Variants in ACAD8 observed in about 807,000 individuals in gnomAD.
The protein encoded by ACAD8 is isobutyryl-CoA dehydrogenase, mitochondrial.
ACAD8 carries 47 observed loss-of-function variants against 53.1 expected under a neutral mutation model. The observed-to-expected ratio is 0.89, with a 90% CI of 0.70 to 1.13. The LOEUF (loss-of-function observed/expected upper bound fraction) is 1.13. Ranked by LOEUF, ACAD8 falls within the 50% of genes most tolerant of loss-of-function variation. The pLI is 0.00. For synonymous variants in ACAD8, 198 were observed against 201.3 expected, an observed-to-expected ratio of 0.98 and a Z score of 0.14; for missense variants, 494 against 535.0, an observed-to-expected ratio of 0.92 and a Z score of 0.76.
chr11:134,253,620 G>GGCGTTTCGGGGC lies in ACAD8; in HGVS notation c.24_35dup (p.Phe9_Arg12dup). On this transcript the variant is annotated inframe_insertion, in exon 1 of 11. Coordinates refer to ENST00000281182, the MANE Select transcript of ACAD8 (RefSeq NM_014384.3). ...GCGGCTATGCTGTGGAGCGGCTGCC[G>GGCGTTTCGGGGC]GCGTTTCGGGGCGCGCCTCGGCTGC... 1 of 1,579,502 alleles carries GGCGTTTCGGGGC rather than the reference G, an allele frequency of 6.3e-7. No individual in the cohort carries two copies. Among genetic ancestry groups the GGCGTTTCGGGGC allele is most frequent in the Non-Finnish European group, 8.6e-7 (1 of 1,166,560 alleles).
intron 1 of ACAD8, among the ~76,000 whole-genome samples, chr11:134,255,336 A>G (rs1220346440): frequency 2.0e-5 from 3 of 152,156 alleles, no homozygotes; most frequent in Non-Finnish European, 4.4e-5. Context: ...GGGTTTCACC[A>G]TGTTGGACAA....
intron 3 of ACAD8, 47 bp from the exon 4 acceptor site, chr11:134,258,462 TCTTTTC>T: frequency 7.5e-7 from 1 of 1,329,680 alleles, no homozygotes; most frequent in Non-Finnish European, 1.1e-6. Flanking sequence ...CATTTTTTTT[TCTTTTC>T]CATCTTTATT....
Position 134,264,911 on chromosome 11 carries a change from G to A in ACAD8, c.1199G>A (p.Ser400Asn). Reference sequence around the variant, plus strand: ...TCCTCCTTCCTCCCTCTTACAGGTAGCAATGAAGTGATGAGGATACTGATC... The same window carrying A: ...TCCTCCTTCCTCCCTCTTACAGGTAACAATGAAGTGATGAGGATACTGATC... ...DSRVHQILEG[S>N]NEVMRILISR... The change falls in exon 11 of 11, where the codon AGC becomes AAC. Residue 400 changes from serine to asparagine, a missense_variant. Ser to Asn is a conservative substitution (Grantham distance 46, BLOSUM62 1). Transcript: ENST00000281182. 6.2e-7 allele frequency: 1 copy of A among 1,614,082 alleles called. No homozygotes were observed.
chr11:134,256,665 T>G lies in ACAD8; in HGVS notation c.210+17T>G. The stretch of plus-strand genomic sequence containing the variant: ...GACCAGAAGGTAGGCGTTTTTCTTG[T>G]GCTTAGACGTTCTAACAACAGATGT... On this transcript the variant is annotated intron_variant, in intron 2 of 10. Transcript: ENST00000281182. 1 of 1,605,564 alleles carries G rather than the reference T, an allele frequency of 6.2e-7. No homozygotes were observed. The highest frequency in any genetic ancestry group is 2.2e-5 in the East Asian group (1 of 44,842).
At chr11:134,263,052 C>A in intron 10 of ACAD8, 1 of 1,177,428 alleles carries the variant, frequency 8.5e-7, no homozygotes, top group Non-Finnish European at 1.1e-6. Context: ...CTAAAAGATA[C>A]CTGTCTCAAT....
rs79594709 is a variant in ACAD8 at position 134,263,237 on chromosome 11, C to G, written c.1195+615C>G. 9,027 of 1,003,586 alleles carry G rather than the reference C, an allele frequency of 9.0e-3. 45 individuals are homozygous for G. The highest frequency in any genetic ancestry group is 1.0e-2 in the Non-Finnish European group (8,388 of 840,342). The allele number at this position is 1,003,586 out of a possible 1,614,324, so 62.2% of individuals were successfully genotyped here. On this transcript the variant is annotated intron_variant, in intron 10 of 10. Transcript: ENST00000281182. ...TGAAATGACACGACTCTTGGAAAAG[C>G]AGGAGGGGCAGAGGCTTCTTTGAGT...
rs745741186 is a variant in ACAD8 at position 134,253,710 on chromosome 11, G to A, written c.109+1G>A. 3 of 1,593,680 alleles carry A rather than the reference G, an allele frequency of 1.9e-6. No homozygotes were observed. Among genetic ancestry groups the A allele is most frequent in the Middle Eastern group, 1.7e-4 (1 of 6,040 alleles). On this transcript the variant is annotated splice_donor_variant, in intron 1 of 10. Coordinates refer to ENST00000281182, the MANE Select transcript of ACAD8 (RefSeq NM_014384.3). LOFTEE classifies it high-confidence loss of function. Reference sequence around the variant, plus strand: ...CGGAGCTTGACCTCCTGCATCGACCGTAAGGATCTCCTGGCGGGCAGTAGG... The same window carrying A: ...CGGAGCTTGACCTCCTGCATCGACCATAAGGATCTCCTGGCGGGCAGTAGG...
At chr11:134,254,240 C>G (rs937312464) in intron 1 of ACAD8, among the ~76,000 whole-genome samples, 3 of 152,182 alleles carry the variant, frequency 2.0e-5, no homozygotes, top group African/African-American at 7.2e-5. Context: ...CACAAGAACT[C>G]CAGGTCATAC....
Position 134,261,892 on chromosome 11 carries a change from T to A in ACAD8, c.1092+2T>A, listed in dbSNP as rs934865815. ...TTTGCTACAGATGAATGCTTTGCCG[T>A]AAGTGATTCCTCTGGCTCTCCTGGG... On this transcript the variant is annotated splice_donor_variant, in intron 9 of 10. Coordinates refer to ENST00000281182, the MANE Select transcript of ACAD8 (RefSeq NM_014384.3). LOFTEE classifies it high-confidence loss of function. This position sits in a 1 kb window ranked among gnomAD's most constrained non-coding sequence, Gnocchi z 4.2. 6.2e-7 allele frequency: 1 copy of A among 1,613,736 alleles called. No individual in the cohort carries two copies. The highest frequency in any genetic ancestry group is 8.5e-7 in the Non-Finnish European group (1 of 1,180,036).
At chr11:134,263,104 G>C in intron 10 of ACAD8, 1 of 1,140,206 alleles carries the variant, frequency 8.8e-7, no homozygotes, top group South Asian at 1.9e-5. Context: ...ATCACTATAT[G>C]GGTATCTTCT....
At position 134,253,612 on chromosome 11, in the gene ACAD8, C is replaced by A. The variant is rs777227435; in HGVS notation, c.12C>A (p.Ser4Arg). The change falls in exon 1 of 11, where the codon AGC becomes AGA. Residue 4 changes from serine (S) to arginine (R), a missense_variant. Physicochemically the swap from Ser to Arg is moderately radical, Grantham distance 110 (BLOSUM62 -1). Transcript: ENST00000281182. ...GAGCTGCGGCGGCTATGCTGTGGAG[C>A]GGCTGCCGGCGTTTCGGGGCGCGCC... The part of the protein sequence containing the change: MLW[S>R]GCRRFGARLG... 4.4e-6 allele frequency: 7 copies of A among 1,579,352 alleles called. No individual in the cohort carries two copies. The South Asian group carries it at 5.7e-5, about 13-fold the overall frequency.
In ACAD8 at chr11:134,265,088, C is replaced by CTGCA. The variant is rs1426828839; in HGVS notation, c.*129_*132dup. 9.9e-7 allele frequency: 1 copy of CTGCA among 1,008,750 alleles called. No homozygotes were observed. The highest frequency in any genetic ancestry group is 1.6e-5 in the African/African-American group (1 of 63,056). The allele number at this position is 1,008,750 out of a possible 1,614,324, so 62.5% of individuals were successfully genotyped here. A position where few individuals can be genotyped will look rare whatever the true frequency, so the allele number is the denominator to read the frequency against. On this transcript the variant is annotated 3_prime_UTR_variant, in exon 11 of 11. Coordinates refer to ENST00000281182, the MANE Select transcript of ACAD8 (RefSeq NM_014384.3). ...GGGCTGAGCTCCTCTAGGGCAGGAC[C>CTGCA]TGCACCCTGTGTGTTGGCACCAGCA...
chr11:134,263,811 G>A (rs909927685), intron 10 of ACAD8: 15 of 985,318 alleles, frequency 1.5e-5, no homozygotes, highest in Non-Finnish European at 1.8e-5. Flanking sequence ...ACTCATCACT[G>A]TATCACTTTG....
chr11:134,253,776 G>A, intron 1 of ACAD8, 67 bp downstream of exon 1: 3 of 1,447,838 alleles, frequency 2.1e-6, no homozygotes, highest in Non-Finnish European at 2.8e-6. Context: ...TCCGCGAGGG[G>A]CTGCAGTCTC....
chr11:134,258,151 C>T (rs1200131323), intron 3 of ACAD8: 11 of 350,494 alleles, frequency 3.1e-5, no homozygotes, highest in South Asian at 1.8e-4. Flanking sequence ...CACCCGGCCC[C>T]TCTCACCCTT....
In ACAD8 at chr11:134,260,917, C is replaced by A; in HGVS notation, c.706-127C>A. On this transcript the variant is annotated intron_variant, in intron 6 of 10. Coordinates refer to ENST00000281182, the MANE Select transcript of ACAD8 (RefSeq NM_014384.3). ...TAAACCTGAACTTTTTCTTTTTCCT[C>A]ATTTTAAGTTCTTGTGGGTCTAAGT... The A allele has an allele frequency of 5.4e-6, 6 of 1,110,942 alleles. No homozygotes were observed. The South Asian group carries it at 8.1e-5, about 15-fold the overall frequency. The allele number at this position is 1,110,942 out of a possible 1,614,324, so 68.8% of individuals were successfully genotyped here.
At chr11:134,262,772 C>A in intron 10 of ACAD8, 150 bp downstream of exon 10, 1 of 1,501,104 alleles carries the variant, frequency 6.7e-7, no homozygotes. Flanking sequence ...TTCCGCAGAG[C>A]TGTTCTGGCA....
chr11:134,263,738 A>G lies in ACAD8; in HGVS notation c.1195+1116A>G, dbSNP rs1183562602. The stretch of plus-strand genomic sequence containing the variant: ...ATTCTAACTCTCTCTCCACCCTGCA[A>G]TAATAAGCAGGAAAACATTTATTGT... On this transcript the variant is annotated intron_variant, in intron 10 of 10. Coordinates refer to ENST00000281182, the MANE Select transcript of ACAD8 (RefSeq NM_014384.3). The G allele has an allele frequency of 1.4e-5, 14 of 985,290 alleles. No individual in the cohort carries two copies. The East Asian group carries it at 5.7e-4, about 40-fold the overall frequency. 61.0% of individuals were successfully genotyped at this position (985,290 alleles called of 1,614,324 possible).
chr11:134,262,517 C>A lies in ACAD8; in HGVS notation c.1093-3C>A. 1 of 1,609,176 alleles carries A rather than the reference C, an allele frequency of 6.2e-7. No individual in the cohort carries two copies. Among genetic ancestry groups the A allele is most frequent in the Middle Eastern group, 1.7e-4 (1 of 6,058 alleles). ...AAGACGTCTAGTCCCTGTCTCCCTG[C>A]AGATCTGCAACCAGGCCTTGCAGAT... On this transcript the variant is annotated splice_region_variant and splice_polypyrimidine_tract_variant and intron_variant, in intron 9 of 10. Transcript: ENST00000281182.
Sources: gnomAD v4.1 joint callset for allele counts (sites outside exome capture counted in the v4.1 genomes callset) on GRCh38, gnomAD v4.1.1 for gene constraint, Gnocchi (gnomAD v3.1) non-coding constraint, MANE v1.5 for transcripts, NCBI Gene and HGNC (gene_info 2026-07-23, HGNC 2026-07-21) for gene names.